SLC7A14: variants seen among roughly 807,000 people sequenced by gnomAD.
SLC7A14 encodes solute carrier family 7 member 14.
A neutral mutation model predicts 60.2 loss-of-function variants in SLC7A14; 37 were observed. The ratio of observed to expected loss-of-function variants is 0.61; its 90% CI spans 0.47 to 0.81. The LOEUF is 0.81. Among genes scored for constraint, SLC7A14 ranks in the 30% least tolerant of loss-of-function variants. The pLI is 0.00. For missense variants in SLC7A14, 886 were observed against 982.7 expected (o/e 0.90, Z 1.32); for synonymous variants, 399 against 395.8 (o/e 1.01, Z -0.10).
At chr3:170,576,709 T>C (rs557935606) in intron 1 of SLC7A14, among the ~76,000 whole-genome samples, 2 of 152,294 alleles carry the variant, frequency 1.3e-5, no homozygotes, top group African/African-American at 4.8e-5. Flanking sequence ...TATTTTTCAG[T>C]GGGGGTGGAG....
At chr3:170,540,318 T>C (rs954862741) in intron 1 of SLC7A14, among the ~76,000 whole-genome samples, 1 of 152,210 alleles carries the variant, frequency 6.6e-6, no homozygotes, top group Admixed American at 6.5e-5. Flanking sequence ...TTAGTTAGGT[T>C]TAGAGCTATA....
At chr3:170,539,979 A>G (rs1400046019) in intron 1 of SLC7A14, among the ~76,000 whole-genome samples, 1 of 152,240 alleles carries the variant, frequency 6.6e-6, no homozygotes. Context: ...TAAAATAAGG[A>G]TGACTTGAAT....
intron 4 of SLC7A14, among the ~76,000 whole-genome samples, chr3:170,495,358 A>G (rs1486333912): frequency 6.6e-6 from 1 of 152,238 alleles, no homozygotes; most frequent in East Asian, 1.9e-4. Context: ...TGAAAATGCA[A>G]CTGAGGACCA....
At chr3:170,488,232 C>T (rs868742995) in intron 4 of SLC7A14, among the ~76,000 whole-genome samples, 1 of 152,156 alleles carries the variant, frequency 6.6e-6, no homozygotes, top group Non-Finnish European at 1.5e-5. Flanking sequence ...TTTAAAAACT[C>T]CTGGTCTATT....
At chr3:170,514,180 A>G (rs994754697) in intron 2 of SLC7A14, among the ~76,000 whole-genome samples, 2 of 152,186 alleles carry the variant, frequency 1.3e-5, no homozygotes, top group African/African-American at 4.8e-5. Flanking sequence ...CAACATGAGG[A>G]GTGGGCCAGA....
intron 4 of SLC7A14, chr3:170,496,712 A>G (rs888863256): frequency 1.2e-5 from 10 of 841,484 alleles, no homozygotes; most frequent in Non-Finnish European, 2.0e-5. Context: ...AGTTCCGCCT[A>G]TGGGGGCCTC....
intron 1 of SLC7A14, among the ~76,000 whole-genome samples, chr3:170,579,413 T>C (rs1425715687): frequency 6.6e-6 from 1 of 152,270 alleles, no homozygotes; most frequent in Non-Finnish European, 1.5e-5. Flanking sequence ...TATTTACTGA[T>C]TATTTTTCAA....
chr3:170,492,833 G>A (rs754227343), intron 4 of SLC7A14, among the ~76,000 whole-genome samples: 2 of 152,056 alleles, frequency 1.3e-5, no homozygotes, highest in Admixed American at 6.6e-5. Flanking sequence ...ATAATTAGGC[G>A]CCTTTATGTT....
At chr3:170,568,095 C>T (rs1419251684) in intron 1 of SLC7A14, among the ~76,000 whole-genome samples, 1 of 152,146 alleles carries the variant, frequency 6.6e-6, no homozygotes, top group Non-Finnish European at 1.5e-5. Context: ...TGCCTATGTC[C>T]TGAATGGTAA....
chr3:170,536,570 G>A (rs1352186380), intron 1 of SLC7A14, among the ~76,000 whole-genome samples: 1 of 152,174 alleles, frequency 6.6e-6, no homozygotes, highest in East Asian at 1.9e-4. Flanking sequence ...ACACTGAAAA[G>A]TGAGAGCACA....
In SLC7A14 at chr3:170,515,630, G is replaced by T. The variant is rs185021927; in HGVS notation, c.304+11003C>A. Among the ~76,000 whole-genome samples the T allele has an allele frequency of 7.6e-4, 91 of 119,140 alleles. 1 individual carries two copies. The highest frequency in any genetic ancestry group is 8.1e-3 in the Middle Eastern group (2 of 248). The allele number at this position is 119,140 out of a possible 152,430, so 78.2% of individuals were successfully genotyped here. ...CTGGGGTTAGGATGTGTGTTGGGGT[G>T]GGGGGGGAGTTGAGACAATAGGCCC... On this transcript the variant is annotated intron_variant, in intron 2 of 7. Coordinates refer to ENST00000231706, the MANE Select transcript of SLC7A14 (RefSeq NM_020949.3).
intron 6 of SLC7A14, among the ~76,000 whole-genome samples, chr3:170,482,995 G>A (rs866750550): frequency 6.6e-6 from 1 of 152,030 alleles, no homozygotes; most frequent in Non-Finnish European, 1.5e-5. Flanking sequence ...CCCTAGGATG[G>A]TTCTTCCTTC....
intron 2 of SLC7A14, among the ~76,000 whole-genome samples, chr3:170,505,927 C>T (rs915144230): frequency 2.6e-5 from 4 of 151,880 alleles, no homozygotes; most frequent in Non-Finnish European, 5.9e-5. Flanking sequence ...ATAATATTTA[C>T]TTAATTTGGT....
At position 170,526,809 on chromosome 3, in the gene SLC7A14, G is replaced by A. The variant is rs761358624; in HGVS notation, c.128C>T (p.Thr43Met). The A allele has an allele frequency of 9.9e-6, 16 of 1,614,182 alleles. No individual in the cohort carries two copies. Among genetic ancestry groups the A allele is most frequent in the Admixed American group, 1.7e-5 (1 of 60,026 alleles). Residue 43 changes from threonine (T) to methionine (M), a missense_variant, in exon 2 of 8, where the codon ACG becomes ATG. Physicochemically the swap from Thr to Met is moderately conservative, Grantham distance 81. Coordinates refer to ENST00000231706, the MANE Select transcript of SLC7A14 (RefSeq NM_020949.3). ...CTGGGCTAGCTTAGTTCCATGTGCC[G>A]TGGTGGTCCCAGTTCCCTCTAGCAT... The part of the protein sequence containing the change: ...ESMLEGTGTT[T>M]AHGTKLAQVL...
At chr3:170,505,125 A>G (rs1712736464) in intron 2 of SLC7A14, among the ~76,000 whole-genome samples, 1 of 150,888 alleles carries the variant, frequency 6.6e-6, no homozygotes, top group South Asian at 2.1e-4. Flanking sequence ...ATGGCTTTTT[A>G]GACATTGAAT....
At chr3:170,503,107 C>T (rs1381328074) in intron 2 of SLC7A14, 2 of 152,154 alleles carry the variant, frequency 1.3e-5, no homozygotes, top group East Asian at 3.9e-4. Context: ...AGCTGTTTGT[C>T]TCTACATTAA....
intron 4 of SLC7A14, among the ~76,000 whole-genome samples, chr3:170,489,085 A>G (rs1172280504): frequency 6.6e-6 from 1 of 152,268 alleles, no homozygotes; most frequent in Non-Finnish European, 1.5e-5. Flanking sequence ...AAGCACAGGC[A>G]GCCAAAGCAA....
Position 170,585,876 on chromosome 3 carries a change from G to A in SLC7A14, c.-153+35C>T, listed in dbSNP as rs1715372649. The A allele has an allele frequency of 6.6e-6, 1 of 152,470 alleles. No individual in the cohort carries two copies. The highest frequency in any genetic ancestry group is 1.5e-5 in the Non-Finnish European group (1 of 68,306). 9.4% of individuals were successfully genotyped at this position (152,470 alleles called of 1,614,324 possible). A position where few individuals can be genotyped will look rare whatever the true frequency, so the allele number is the denominator to read the frequency against. On this transcript the variant is annotated intron_variant, in intron 1 of 7. Coordinates refer to ENST00000231706, the MANE Select transcript of SLC7A14 (RefSeq NM_020949.3). This position sits in a 1 kb window ranked among gnomAD's most constrained non-coding sequence, Gnocchi z 5.1. The stretch of plus-strand genomic sequence containing the variant: ...CGCTGGGGCGCGGGGGGCGCGGAGG[G>A]GGACAAACGGCAGCGAAGGGGGCCG...
rs1299451177 is a variant in SLC7A14, at chr3:170,480,732, G to A, written c.1550C>T (p.Thr517Ile). The A allele has an allele frequency of 6.2e-7, 1 of 1,614,178 alleles. No individual in the cohort carries two copies. Among genetic ancestry groups the A allele is most frequent in the Non-Finnish European group, 8.5e-7 (1 of 1,180,032 alleles). The change falls in exon 7 of 8, where the codon ACC (threonine) becomes ATC (isoleucine). Residue 517 changes from threonine to isoleucine, a missense_variant. Transcript: ENST00000231706. ...NHPNYGTVDM[T>I]TGIEADESEN... ...GGATTCATCAGCTTCTATGCCTGTG[G>A]TCATGTCCACGGTGCCGTAATTGGG...
Sources: allele counts gnomAD v4.1 joint callset (sites outside exome capture counted in the v4.1 genomes callset), GRCh38; gene constraint gnomAD v4.1.1; non-coding constraint Gnocchi (gnomAD v3.1); transcripts MANE v1.5; gene names NCBI Gene and HGNC (gene_info 2026-07-23, HGNC 2026-07-21).